Variants in ADAM7 observed in about 807,000 individuals in gnomAD.
ADAM7 encodes the protein ADAM metallopeptidase domain 7, also known as disintegrin and metalloproteinase domain-containing protein 7.
A neutral mutation model predicts 102.9 loss-of-function variants in ADAM7; 97 were observed. The ratio of observed to expected loss-of-function variants is 0.94; its 90% CI spans 0.80 to 1.12. The LOEUF is 1.12. Ranked by LOEUF, ADAM7 falls within the 50% of genes most tolerant of loss-of-function variation. The probability of loss-of-function intolerance (pLI) is 0.00; values close to 1 mark genes in which losing one functional copy is unlikely to be tolerated. For missense variants in ADAM7, 991 were observed against 908.7 expected, an observed-to-expected ratio of 1.09 and a Z score of -1.16; for synonymous variants, 334 against 304.4, an observed-to-expected ratio of 1.10 and a Z score of -1.01.
chr8:24,495,599 T>C (rs1035027731), intron 16 of ADAM7, among the ~76,000 whole-genome samples: 3 of 152,100 alleles, frequency 2.0e-5, no homozygotes, highest in Admixed American at 1.3e-4. Flanking sequence ...TCAATCTCAG[T>C]TGCCATTTCA....
Position 24,449,862 on chromosome 8 carries a change from A to G in ADAM7, c.233+2600A>G, listed in dbSNP as rs967612152. Among the ~76,000 whole-genome samples the G allele has an allele frequency of 2.6e-5, 4 of 152,304 alleles. 1 individual carries two copies. Among genetic ancestry groups the G allele is most frequent in the Middle Eastern group, 6.8e-3 (2 of 294 alleles). ...AGAAGAGATCCAGTTTCAGCTTTCT[A>G]CATATGGCTAGCCAGTTTTCCCAGC... On this transcript the variant is annotated intron_variant, in intron 3 of 21. Transcript: ENST00000175238.
At position 24,503,146 on chromosome 8, in the gene ADAM7, A is replaced by G. The variant is rs183102885; in HGVS notation, c.2208+1570A>G. ...TGAAAGTGTAAAATCATATGATCAT[A>G]TCAATAGAGGCAGATAAATTATTTG... On this transcript the variant is annotated intron_variant, in intron 20 of 21. Coordinates refer to ENST00000175238, the MANE Select transcript of ADAM7 (RefSeq NM_003817.4). 2.6e-5 allele frequency among the ~76,000 whole-genome samples: 4 copies of G among 152,338 alleles called. No individual in the cohort carries two copies. In the East Asian group the frequency reaches 7.7e-4, roughly 29 times the overall value.
At chr8:24,485,821 T>C (rs941510929) in intron 10 of ADAM7, among the ~76,000 whole-genome samples, 1 of 152,194 alleles carries the variant, frequency 6.6e-6, no homozygotes, top group Non-Finnish European at 1.5e-5. Flanking sequence ...CCCTTTTTTT[T>C]ATGTGATCCT....
chr8:24,451,498 C>T (rs1818787778), intron 3 of ADAM7, among the ~76,000 whole-genome samples: 1 of 151,944 alleles, frequency 6.6e-6, no homozygotes, highest in African/African-American at 2.4e-5. Flanking sequence ...TGGTGATAAC[C>T]CCTTTATCAT....
intron 10 of ADAM7, among the ~76,000 whole-genome samples, chr8:24,485,885 G>A (rs1461205576): frequency 6.6e-6 from 1 of 152,120 alleles, no homozygotes; most frequent in Admixed American, 6.5e-5. Flanking sequence ...CCATCTGAGA[G>A]ATGCTTGAAA....
At position 24,447,258 on chromosome 8, in the gene ADAM7, T is replaced by C. The variant is rs1818595567; in HGVS notation, c.229T>C (p.Ser77Pro). The change falls in exon 3 of 22, where the codon TCC becomes CCC. Residue 77 changes from serine to proline, a missense_variant. Ser to Pro is a moderately conservative substitution (Grantham distance 74, BLOSUM62 -1). Transcript: ENST00000175238. ...RKTLVLHLLR[S>P]REFLGSNYSE... ...AACCTTAGTCCTTCATCTTCTAAGA[T>C]CCAGGTAAGTTCTATTGTGATTCCA... 6.6e-7 allele frequency: 1 copy of C among 1,514,128 alleles called. No homozygotes were observed. The highest frequency in any genetic ancestry group is 9.0e-7 in the Non-Finnish European group (1 of 1,108,454). 93.8% of individuals were successfully genotyped at this position (1,514,128 alleles called of 1,614,324 possible).
At position 24,455,392 on chromosome 8, in the gene ADAM7, A is replaced by G. The variant is rs576842030; in HGVS notation, c.233+8130A>G. On this transcript the variant is annotated intron_variant, in intron 3 of 21. Coordinates refer to ENST00000175238, the MANE Select transcript of ADAM7 (RefSeq NM_003817.4). ...TCAATACATGAACAAGGTTAGCATT[A>G]GAGTTTAGTATTTGTTTTTGTTTGT... Among the ~76,000 whole-genome samples the G allele has an allele frequency of 1.6e-3, 242 of 152,246 alleles. 2 individuals carry two copies. In the Middle Eastern group the frequency reaches 0.02, roughly 13 times the overall value.
chr8:24,498,983 A>G (rs1820652247), intron 16 of ADAM7, among the ~76,000 whole-genome samples: 1 of 152,026 alleles, frequency 6.6e-6, no homozygotes, highest in African/African-American at 2.4e-5. Flanking sequence ...ATAACTAATG[A>G]GTTTAAAATA....
At chr8:24,484,669 T>C (rs889143745) in intron 9 of ADAM7, among the ~76,000 whole-genome samples, 3 of 152,150 alleles carry the variant, frequency 2.0e-5, no homozygotes, top group African/African-American at 7.2e-5. Context: ...TTTCTGGTCT[T>C]GTAAGTGGTT....
At chr8:24,456,977 T>C (rs1819058062) in intron 3 of ADAM7, among the ~76,000 whole-genome samples, 1 of 152,206 alleles carries the variant, frequency 6.6e-6, no homozygotes, top group Non-Finnish European at 1.5e-5. Flanking sequence ...CAAGGAGTGA[T>C]ATTCCTGAGT....
chr8:24,471,788 G>GA (rs1482219391), intron 7 of ADAM7, among the ~76,000 whole-genome samples: 1 of 151,676 alleles, frequency 6.6e-6, no homozygotes, highest in Non-Finnish European at 1.5e-5. Flanking sequence ...TACAAAAACA[G>GA]AAAAAAATAT....
intron 2 of ADAM7, among the ~76,000 whole-genome samples, chr8:24,445,545 C>T (rs1818524798): frequency 6.6e-6 from 1 of 152,164 alleles, no homozygotes; most frequent in Non-Finnish European, 1.5e-5. Context: ...ATGTAAATGT[C>T]TTTTAAAGTT....
chr8:24,485,568 TGTTTA>T (rs1244174044), intron 10 of ADAM7, among the ~76,000 whole-genome samples: 6 of 152,230 alleles, frequency 3.9e-5, no homozygotes, highest in Non-Finnish European at 8.8e-5. Context: ...AAACCCATTT[TGTTTA>T]GAGTTTAAAC....
intron 7 of ADAM7, among the ~76,000 whole-genome samples, chr8:24,470,014 T>C (rs1333693409): frequency 2.0e-5 from 3 of 152,020 alleles, no homozygotes; most frequent in East Asian, 3.9e-4. Flanking sequence ...GGATGACAGA[T>C]GACAAATGAG....
Position 24,489,196 on chromosome 8 carries a change from C to T in ADAM7, c.1129C>T (p.Gln377Ter), listed in dbSNP as rs974472699. 6.2e-7 allele frequency: 1 copy of T among 1,612,144 alleles called. No individual in the cohort carries two copies. The highest frequency in any genetic ancestry group is 1.3e-5 in the African/African-American group (1 of 74,834). The change falls in exon 12 of 22, where the codon CAA becomes TAA. Residue 377 changes from glutamine to a stop codon, truncating the protein, a stop_gained. Coordinates refer to ENST00000175238, the MANE Select transcript of ADAM7 (RefSeq NM_003817.4). LOFTEE classifies it high-confidence loss of function. Reference protein sequence around the residue: ...ALKFSKCSQNQYHQYLKDYKP... With the variant: ...ALKFSKCSQN Reference sequence around the variant, plus strand: ...GAAATTCAGTAAATGCAGCCAAAACCAATACCACCAGTACTTGAAGGATTA... The same window carrying T: ...GAAATTCAGTAAATGCAGCCAAAACTAATACCACCAGTACTTGAAGGATTA...
At chr8:24,458,809 A>G (rs1819133581) in intron 3 of ADAM7, among the ~76,000 whole-genome samples, 1 of 152,078 alleles carries the variant, frequency 6.6e-6, no homozygotes, top group Non-Finnish European at 1.5e-5. Flanking sequence ...TATCAAATTA[A>G]AGTTCCTTGA....
Position 24,463,130 on chromosome 8 carries a change from CTT to C in ADAM7, c.234-749_234-748del, listed in dbSNP as rs1364085799. On this transcript the variant is annotated intron_variant, in intron 3 of 21. Coordinates refer to ENST00000175238, the MANE Select transcript of ADAM7 (RefSeq NM_003817.4). ...ATGTAGCAAACATGAAAATGAATAT[CTT>C]TTGAAGTGTGAAATACACCTTATGA... Among the ~76,000 whole-genome samples, 6 of 152,170 alleles carry C rather than the reference CTT, an allele frequency of 3.9e-5. No individual in the cohort carries two copies. The Middle Eastern group carries it at 0.014, about 345-fold the overall frequency.
intron 9 of ADAM7, 48 bp downstream of exon 9, chr8:24,482,359 A>C (rs895153995): frequency 6.5e-7 from 1 of 1,533,748 alleles, no homozygotes; most frequent in Non-Finnish European, 8.7e-7. Flanking sequence ...GATTATTACA[A>C]AAGAAAACAA....
chr8:24,509,425 T>G lies in ADAM7; in HGVS notation c.*879T>G, dbSNP rs1347488764. ...ACAGATGCCTCTCAAGGTGTTCTTT[T>G]GTGTCCTCTATTTTCTTCTTGTGAA... On this transcript the variant is annotated 3_prime_UTR_variant, in exon 22 of 22. Transcript: ENST00000175238. 1.8e-5 allele frequency: 18 copies of G among 985,340 alleles called. No homozygotes were observed. The highest frequency in any genetic ancestry group is 2.4e-6 in the Non-Finnish European group (2 of 829,936). The allele number at this position is 985,340 out of a possible 1,614,324, so 61.0% of individuals were successfully genotyped here. A position where few individuals can be genotyped will look rare whatever the true frequency, so the allele number is the denominator to read the frequency against.
Sources: allele counts gnomAD v4.1 joint callset (sites outside exome capture counted in the v4.1 genomes callset), GRCh38; gene constraint gnomAD v4.1.1; transcripts MANE v1.5; gene names NCBI Gene and HGNC (gene_info 2026-07-23, HGNC 2026-07-21).